Variants in GCNT1 observed in about 807,000 individuals in gnomAD.
The protein encoded by GCNT1 is glucosaminyl (N-acetyl) transferase 1.
A neutral mutation model predicts 26.2 loss-of-function variants in GCNT1; 16 were observed. That is an observed-to-expected ratio of 0.61 (90% confidence interval 0.41 to 0.93). The LOEUF (loss-of-function observed/expected upper bound fraction) is 0.93. GCNT1 is among the 40% of genes least tolerant of loss of function. The pLI is 0.00. For synonymous variants in GCNT1, 183 were observed against 190.8 expected (o/e 0.96, Z 0.34); for missense variants, 477 against 526.7 (o/e 0.91, Z 0.92).
chr9:76,423,593 A>C (rs758914956), intron 1 of GCNT1, among the ~76,000 whole-genome samples: 14 of 152,358 alleles, frequency 9.2e-5, no homozygotes, highest in Middle Eastern at 3.4e-3. Context: ...AGTTTTGGCA[A>C]GCTTTTAATG....
chr9:76,446,514 G>A (rs1376330025), intron 1 of GCNT1, among the ~76,000 whole-genome samples: 2 of 152,212 alleles, frequency 1.3e-5, no homozygotes, highest in Non-Finnish European at 2.9e-5. Context: ...CACAGAGGGT[G>A]AGACCTATCA....
At chr9:76,455,262 C>A (rs926672449), upstream of GCNT1, among the ~76,000 whole-genome samples, 1 of 152,204 alleles carries the variant, frequency 6.6e-6, no homozygotes, top group East Asian at 1.9e-4. Flanking sequence ...CTGGTTTAGG[C>A]TGAGACTAGA....
At chr9:76,448,297 C>G (rs1047966846) in intron 1 of GCNT1, among the ~76,000 whole-genome samples, 3 of 151,954 alleles carry the variant, frequency 2.0e-5, no homozygotes, top group Non-Finnish European at 4.4e-5. Context: ...ACAAAAAATA[C>G]AAAAATTAGC....
At chr9:76,425,216 G>A (rs561056801) in intron 1 of GCNT1, among the ~76,000 whole-genome samples, 1 of 150,384 alleles carries the variant, frequency 6.6e-6, no homozygotes, top group East Asian at 2.0e-4. Context: ...AGCTAGTAAG[G>A]AATAGTATTT....
At chr9:76,465,959 T>C (rs1166976587) in intron 2 of GCNT1, among the ~76,000 whole-genome samples, 1 of 152,162 alleles carries the variant, frequency 6.6e-6, no homozygotes, top group African/African-American at 2.4e-5. Flanking sequence ...AGATAATGCC[T>C]TTTTGGATGT....
At position 76,505,878 on chromosome 9, in the gene GCNT1, A is replaced by G. The variant is rs1001042981; in HGVS notation, c.*2210A>G. On this transcript the variant is annotated 3_prime_UTR_variant, in exon 4 of 4. Transcript: ENST00000376730. ...ATGTAAACATAGGATTTTAGAGTCT[A>G]TTTCCCCAAGCGCCACATTATAACT... is the stretch of plus-strand genomic sequence containing the variant. 4.8e-5 allele frequency: 8 copies of G among 165,904 alleles called. No homozygotes were observed. Among genetic ancestry groups the G allele is most frequent in the Non-Finnish European group, 1.2e-4 (8 of 68,090 alleles). 10.3% of individuals were successfully genotyped at this position (165,904 alleles called of 1,614,324 possible). A position where few individuals can be genotyped will look rare whatever the true frequency, so the allele number is the denominator to read the frequency against.
At chr9:76,453,587 A>C (rs1466906571) in intron 1 of GCNT1, among the ~76,000 whole-genome samples, 1 of 152,236 alleles carries the variant, frequency 6.6e-6, no homozygotes, top group Non-Finnish European at 1.5e-5. Flanking sequence ...TAGTCAGCCC[A>C]AAGAAAAGTC....
chr9:76,403,785 G>A, the GCNT1 span, among the ~76,000 whole-genome samples: 1 of 152,136 alleles, frequency 6.6e-6, no homozygotes, highest in East Asian at 1.9e-4. Context: ...CACTATAGAA[G>A]AAGAAAATGG....
chr9:76,479,267 T>C (rs1411299594), intron 2 of GCNT1, among the ~76,000 whole-genome samples: 1 of 152,222 alleles, frequency 6.6e-6, no homozygotes, highest in African/African-American at 2.4e-5. Flanking sequence ...TGTTGGACAT[T>C]TGGGTTGGTT....
intron 2 of GCNT1, among the ~76,000 whole-genome samples, chr9:76,495,677 C>T (rs892899766): frequency 3.9e-5 from 6 of 152,072 alleles, no homozygotes; most frequent in Admixed American, 1.3e-4. Flanking sequence ...TTACAATCCT[C>T]GACCCAGGAA....
intron 2 of GCNT1, among the ~76,000 whole-genome samples, chr9:76,485,079 G>A (rs919023016): frequency 2.6e-5 from 4 of 151,888 alleles, no homozygotes; most frequent in Admixed American, 6.5e-5. Flanking sequence ...GAGCCGCCGC[G>A]CCCGACCATG....
intron 2 of GCNT1, among the ~76,000 whole-genome samples, chr9:76,480,069 A>C (rs1480853175): frequency 6.6e-6 from 1 of 152,232 alleles, no homozygotes; most frequent in African/African-American, 2.4e-5. Context: ...AGCTTTCTAC[A>C]TATGGCTAGC....
upstream of GCNT1, among the ~76,000 whole-genome samples, chr9:76,416,584 C>T (rs1823135456): frequency 6.6e-6 from 1 of 152,230 alleles, no homozygotes; most frequent in African/African-American, 2.4e-5. Context: ...CCCCCTCCTG[C>T]AAGGGGTTTG....
the GCNT1 span, among the ~76,000 whole-genome samples, chr9:76,395,906 A>T: frequency 6.6e-6 from 1 of 152,214 alleles, no homozygotes; most frequent in Non-Finnish European, 1.5e-5. Context: ...ATTCCTTCTA[A>T]TATAGGGAGG....
chr9:76,460,835 C>A lies in GCNT1; in HGVS notation c.-290+658C>A, dbSNP rs11144911. 8.5e-5 allele frequency among the ~76,000 whole-genome samples: 13 copies of A among 152,232 alleles called. No individual in the cohort carries two copies. The East Asian group carries it at 1.5e-3, about 18-fold the overall frequency. On this transcript the variant is annotated intron_variant, in intron 2 of 3. Coordinates refer to ENST00000376730, the MANE Select transcript of GCNT1 (RefSeq NM_001490.5). ...GACGGTCACTGCCACCTCCTCTGCCCGTCCTTCAACTTGGCCCTGTAAAGG... is the reference window on the plus strand; with the variant it reads ...GACGGTCACTGCCACCTCCTCTGCCAGTCCTTCAACTTGGCCCTGTAAAGG...
upstream of GCNT1, among the ~76,000 whole-genome samples, chr9:76,436,914 C>T (rs980668138): frequency 6.6e-6 from 1 of 151,976 alleles, no homozygotes; most frequent in Non-Finnish European, 1.5e-5. Context: ...ACAATGAGAA[C>T]ACTTGGACAC....
the GCNT1 span, chr9:76,394,452 G>C: frequency 3.0e-6 from 1 of 336,304 alleles, no homozygotes; most frequent in South Asian, 5.3e-5. Context: ...GGTGGGGGGA[G>C]GGGGCGGCCC....
intron 2 of GCNT1, among the ~76,000 whole-genome samples, chr9:76,488,946 A>G (rs1824654972): frequency 6.6e-6 from 1 of 152,166 alleles, no homozygotes; most frequent in Admixed American, 6.5e-5. Flanking sequence ...CAACAATATC[A>G]TTTTATTTTT....
intron 1 of GCNT1, among the ~76,000 whole-genome samples, chr9:76,426,156 C>G (rs1002218885): frequency 2.0e-5 from 3 of 152,160 alleles, no homozygotes; most frequent in African/African-American, 7.2e-5. Flanking sequence ...TTGTTTCAAA[C>G]TTAAACAATA....
Sources: gnomAD v4.1 joint callset for allele counts (sites outside exome capture counted in the v4.1 genomes callset) on GRCh38, gnomAD v4.1.1 for gene constraint, MANE v1.5 for transcripts, NCBI Gene and HGNC (gene_info 2026-07-23, HGNC 2026-07-21) for gene names.